The following OGA variants were observed in gnomAD, a reference collection of about 807,000 sequenced individuals.
OGA encodes protein O-GlcNAcase.
In OGA, 21 loss-of-function variants were observed where a neutral mutation model predicts 102.0. The observed-to-expected ratio is 0.21, with a 90% CI of 0.15 to 0.30. The LOEUF (loss-of-function observed/expected upper bound fraction) is 0.30, where lower values mean the gene tolerates loss of function less well. OGA is among the 10% of genes least tolerant of loss of function. OGA has a pLI of 1.00. For synonymous variants in OGA, 408 were observed against 378.2 expected (o/e 1.08, Z -0.91); for missense variants, 765 against 1,107.8 (o/e 0.69, Z 4.39).
intron 3 of OGA, among the ~76,000 whole-genome samples, chr10:101,811,103 G>C (rs376007243): frequency 2.6e-5 from 4 of 151,872 alleles, no homozygotes; most frequent in African/African-American, 9.7e-5. Context: ...TTAAGAATCA[G>C]GGTAGGCCAG....
chr10:101,807,950 C>T (rs750018865), intron 4 of OGA, 49 bp from the exon 5 acceptor site: 1 of 1,382,700 alleles, frequency 7.2e-7, no homozygotes, highest in South Asian at 1.6e-5. Flanking sequence ...ATTAAGAATT[C>T]CAAACATTAC....
In OGA at chr10:101,810,433, T is replaced by C. The variant is rs1402771005; in HGVS notation, c.350-119A>G. On this transcript the variant is annotated intron_variant, in intron 3 of 15. Transcript: ENST00000361464. ...TACAAGAAAGGAAAAGATCCTCACATTTTACAAATTGTCATGTCCAACTTA... is the reference window on the plus strand; with the variant it reads ...TACAAGAAAGGAAAAGATCCTCACACTTTACAAATTGTCATGTCCAACTTA... 3.2e-6 allele frequency: 3 copies of C among 951,478 alleles called. No homozygotes were observed. In the East Asian group the frequency reaches 7.6e-5, roughly 24 times the overall value. The allele number at this position is 951,478 out of a possible 1,614,324, so 58.9% of individuals were successfully genotyped here.
At chr10:101,803,656 A>C in intron 7 of OGA, 79 bp downstream of exon 7, 1 of 1,345,164 alleles carries the variant, frequency 7.4e-7, no homozygotes, top group South Asian at 1.4e-5. Context: ...TGTGATGACA[A>C]AGGAATGCAT....
At position 101,818,403 on chromosome 10, in the gene OGA, C is replaced by T. The variant is rs535273075; in HGVS notation, c.-381G>A. On this transcript the variant is annotated 5_prime_UTR_variant, in exon 1 of 16. Coordinates refer to ENST00000361464, the MANE Select transcript of OGA (RefSeq NM_012215.5). ...GTTTCCCCTCCAAGCCCCGAGCTCT[C>T]CCTCTGCTGCTGCCTCCACCGCCCG... 3.9e-6 allele frequency: 4 copies of T among 1,024,222 alleles called. No individual in the cohort carries two copies. Among genetic ancestry groups the T allele is most frequent in the African/African-American group, 3.4e-5 (2 of 58,380 alleles). The allele number at this position is 1,024,222 out of a possible 1,614,324, so 63.4% of individuals were successfully genotyped here. A position where few individuals can be genotyped will look rare whatever the true frequency, so the allele number is the denominator to read the frequency against.
In OGA at chr10:101,790,925, T is replaced by C. The variant is rs991547785; in HGVS notation, c.2425A>G (p.Asn809Asp). 3.7e-6 allele frequency: 6 copies of C among 1,612,108 alleles called. No individual in the cohort carries two copies. The highest frequency in any genetic ancestry group is 3.4e-6 in the Non-Finnish European group (4 of 1,178,610). The change falls in exon 14 of 16, where the codon AAT (asparagine) becomes GAT (aspartate). Residue 809 changes from asparagine (N) to aspartate (D), a missense_variant. Physicochemically the swap from Asn to Asp is conservative, Grantham distance 23 (BLOSUM62 1). Coordinates refer to ENST00000361464, the MANE Select transcript of OGA (RefSeq NM_012215.5). ...GCCTCAGAGAGTTCCTTGTCACCAT[T>C]TGGCTTGGTATACTTCTCCTGCATG... ...PFMQEKYTKP[N>D]GDKELSEAEK...
intron 10 of OGA, chr10:101,797,014 G>C (rs2065325326): frequency 6.7e-6 from 1 of 149,904 alleles, no homozygotes; most frequent in South Asian, 2.1e-4. Context: ...CTAATTAGTT[G>C]TATCACAGGG....
chr10:101,813,216 C>A (rs1471702306), intron 2 of OGA, 89 bp from the exon 3 acceptor site: 1 of 851,768 alleles, frequency 1.2e-6, no homozygotes, highest in African/African-American at 1.7e-5. Flanking sequence ...GCATCTCCAT[C>A]TCATACAAAG....
chr10:101,813,578 T>C lies in OGA; in HGVS notation c.228A>G (p.Glu76=). Residue 76 remains glutamate, a synonymous_variant, in exon 2 of 16, where the codon GAA becomes GAG. Coordinates refer to ENST00000361464, the MANE Select transcript of OGA (RefSeq NM_012215.5). ...ACCTTCTAAAGAGTTCTTTTCTCTG[T>C]TCCATAACCCAAGGTCTTCCATAAA... The part of the protein sequence containing the change: ...EGFYGRPWVM[E]QRKELFRRLQ... The C allele has an allele frequency of 6.4e-7, 1 of 1,560,568 alleles. No individual in the cohort carries two copies. Among genetic ancestry groups the C allele is most frequent in the Non-Finnish European group, 8.8e-7 (1 of 1,137,462 alleles).
chr10:101,787,760 C>G (rs1385181849), intron 14 of OGA: 1 of 193,642 alleles, frequency 5.2e-6, no homozygotes, highest in Non-Finnish European at 1.1e-5. Flanking sequence ...CGTGCACGCG[C>G]TCTCTCTCTC....
intron 15 of OGA, among the ~76,000 whole-genome samples, chr10:101,787,159 A>T (rs1323770295): frequency 6.6e-6 from 1 of 152,166 alleles, no homozygotes; most frequent in Non-Finnish European, 1.5e-5. Flanking sequence ...TAGGATTACA[A>T]GCATGAGCCA....
At chr10:101,811,406 GAAAAAAAAAAAAA>G (rs67433227) in intron 3 of OGA, among the ~76,000 whole-genome samples, 5 of 45,686 alleles carry the variant, frequency 1.1e-4, no homozygotes, top group Admixed American at 6.1e-4. Flanking sequence ...GAAAAAAAAT[GAAAAAAAAAAAAA>G]AAAAAAAAAA....
chr10:101,810,465 G>A (rs2065539498), intron 3 of OGA, 151 bp from the exon 4 acceptor site: 4 of 691,366 alleles, frequency 5.8e-6, no homozygotes, highest in Non-Finnish European at 9.3e-6. Context: ...CTTAACAACA[G>A]GCCATACAAA....
At chr10:101,817,217 A>G (rs2065641826) in intron 1 of OGA, among the ~76,000 whole-genome samples, 2 of 152,218 alleles carry the variant, frequency 1.3e-5, no homozygotes, top group African/African-American at 2.4e-5. Context: ...CGCATCTCAG[A>G]TACTTCGAGA....
At chr10:101,804,828 C>T (rs371346861) in intron 6 of OGA, among the ~76,000 whole-genome samples, 14 of 152,114 alleles carry the variant, frequency 9.2e-5, no homozygotes, top group African/African-American at 3.4e-4. Flanking sequence ...TGGCCTCAAG[C>T]GATCCTCCTA....
chr10:101,817,852 A>G lies in OGA; in HGVS notation c.171T>C (p.Ala57=), dbSNP rs778422429. The G allele has an allele frequency of 6.5e-7, 1 of 1,542,608 alleles. No homozygotes were observed. Among genetic ancestry groups the G allele is most frequent in the Admixed American group, 1.9e-5 (1 of 51,374 alleles). Reference sequence around the variant, plus strand: ...CCACCACACCGCAGAGGAACCGCCGAGCCCCTCCTGCAGCCCCGGCCACCG... The same window carrying G: ...CCACCACACCGCAGAGGAACCGCCGGGCCCCTCCTGCAGCCCCGGCCACCG... The part of the protein sequence containing the change: ...GAAVAGAAGG[A]RRFLCGVVEG... Residue 57 remains alanine (A), a synonymous_variant, in exon 1 of 16, where the codon GCT becomes GCC. Transcript: ENST00000361464.
intron 6 of OGA, 75 bp downstream of exon 6, chr10:101,805,970 C>A: frequency 1.0e-6 from 1 of 1,000,438 alleles, no homozygotes; most frequent in East Asian, 2.5e-5. Flanking sequence ...AAAAAGTATT[C>A]AATTAACAAG....
chr10:101,807,982 A>C, intron 4 of OGA, 81 bp from the exon 5 acceptor site: 1 of 1,139,724 alleles, frequency 8.8e-7, no homozygotes, highest in East Asian at 2.7e-5. Context: ...TTATACTTAA[A>C]ATCCAGTATT....
chr10:101,786,337 A>T lies in OGA; in HGVS notation c.*114T>A. 3 of 1,121,166 alleles carry T rather than the reference A, an allele frequency of 2.7e-6. No individual in the cohort carries two copies. The highest frequency in any genetic ancestry group is 2.9e-5 in the Admixed American group (1 of 34,106). 69.5% of individuals were successfully genotyped at this position (1,121,166 alleles called of 1,614,324 possible). ...GTTTTACATAGTCTTCTTTGTTTCG[A>T]ATCCAATTGGCTGATTTGTTACCAT... On this transcript the variant is annotated 3_prime_UTR_variant, in exon 16 of 16. Transcript: ENST00000361464.
chr10:101,792,991 A>AT (rs746086022), intron 11 of OGA, 48 bp from the exon 12 acceptor site: 1 of 1,451,354 alleles, frequency 6.9e-7, no homozygotes, highest in African/African-American at 1.4e-5. Context: ...GAAGGTATCC[A>AT]TTTTTTTAAA....
Sources: allele counts gnomAD v4.1 joint callset (sites outside exome capture counted in the v4.1 genomes callset), GRCh38; gene constraint gnomAD v4.1.1; transcripts MANE v1.5; gene names NCBI Gene and HGNC (gene_info 2026-07-23, HGNC 2026-07-21).